HEATR4: variants seen among roughly 807,000 people sequenced by gnomAD.
The protein encoded by HEATR4 is HEAT repeat-containing protein 4.
HEATR4 carries 95 observed loss-of-function variants against 108.8 expected under a neutral mutation model. That is an observed-to-expected ratio of 0.87 (90% CI 0.74 to 1.04). HEATR4 has a LOEUF of 1.04. Ranked by LOEUF, HEATR4 falls within the 50% of genes least tolerant of loss-of-function variation. HEATR4 has a pLI of 0.00. For synonymous variants in HEATR4, 443 were observed against 459.4 expected (o/e 0.96, Z 0.46); for missense variants, 1,152 against 1,253.8 (o/e 0.92, Z 1.23).
the HEATR4 span, among the ~76,000 whole-genome samples, chr14:73,630,493 T>C: frequency 7.2e-5 from 11 of 152,350 alleles, no homozygotes; most frequent in South Asian, 8.3e-4. Flanking sequence ...CATGCCACCA[T>C]AGTGGTTCGC....
At chr14:73,569,975 C>CT in the HEATR4 span, 4 of 1,460,258 alleles carry the variant, frequency 2.7e-6, no homozygotes, top group Admixed American at 4.7e-5. Flanking sequence ...TGTATGCCCC[C>CT]CCGCCGCGCC....
the HEATR4 span, among the ~76,000 whole-genome samples, chr14:73,620,610 C>T: frequency 1.3e-5 from 2 of 152,096 alleles, no homozygotes; most frequent in South Asian, 2.1e-4. Flanking sequence ...TTTTGTTGCC[C>T]AGGCTGAAGT....
intron 17 of HEATR4, chr14:73,480,941 G>C (rs1011237126): frequency 6.6e-6 from 1 of 151,966 alleles, no homozygotes; most frequent in Non-Finnish European, 1.5e-5. Flanking sequence ...GATTGAACCC[G>C]GGGGTCAGAG....
chr14:73,612,914 G>A, the HEATR4 span: 6 of 1,356,088 alleles, frequency 4.4e-6, no homozygotes, highest in African/African-American at 4.6e-5. Flanking sequence ...CCACGACACC[G>A]AGCCCGGGCG....
At chr14:73,579,252 G>T in the HEATR4 span, among the ~76,000 whole-genome samples, 1 of 86,136 alleles carries the variant, frequency 1.2e-5, no homozygotes, top group African/African-American at 4.6e-5. Flanking sequence ...ACGAAATTCC[G>T]TCTCAAAAAA....
the HEATR4 span, chr14:73,573,519 C>G: frequency 6.2e-7 from 1 of 1,613,592 alleles, no homozygotes; most frequent in Non-Finnish European, 8.5e-7. Flanking sequence ...TGAAGACCTC[C>G]CCAAGACCAT....
chr14:73,514,302 G>T, intron 5 of HEATR4, 68 bp from the exon 6 acceptor site: 1 of 1,404,652 alleles, frequency 7.1e-7, no homozygotes, highest in Non-Finnish European at 9.9e-7. Flanking sequence ...AGTGGCCCCA[G>T]CTTGCATCCC....
chr14:73,540,602 A>G (rs1889043609), intron 1 of HEATR4, among the ~76,000 whole-genome samples: 1 of 111,932 alleles, frequency 8.9e-6, no homozygotes, highest in African/African-American at 3.2e-5. Flanking sequence ...AATACTATGA[A>G]GAAAACCAAG....
the HEATR4 span, chr14:73,592,347 C>G: frequency 5.0e-6 from 8 of 1,596,848 alleles, no homozygotes; most frequent in East Asian, 2.3e-5. Flanking sequence ...GCGCCACTTC[C>G]TCCCGCCAGG....
At chr14:73,612,692 G>C in the HEATR4 span, 1 of 1,405,674 alleles carries the variant, frequency 7.1e-7, no homozygotes, top group South Asian at 1.5e-5. Flanking sequence ...CCTGCGCGAC[G>C]AAGAGGGCGC....
At chr14:73,628,963 G>A in the HEATR4 span, among the ~76,000 whole-genome samples, 2 of 151,804 alleles carry the variant, frequency 1.3e-5, no homozygotes, top group African/African-American at 4.8e-5. Flanking sequence ...GCTGAGGCAG[G>A]AGAATTCCCT....
In HEATR4 at chr14:73,552,974, ACAC is replaced by A. The variant is rs1889345298; in HGVS notation, c.-152+5774_-152+5776del. ...TCCAGGGTTTCCCCGACCCAAGCAC[ACAC>A]TATTCGGCATTCCTGACTCCCACTG... On this transcript the variant is annotated intron_variant, in intron 1 of 17. Coordinates refer to ENST00000553558, the MANE Select transcript of HEATR4 (RefSeq NM_001220484.1). 1.8e-5 allele frequency among the ~76,000 whole-genome samples: 2 copies of A among 113,454 alleles called. 1 individual carries two copies. Among genetic ancestry groups the A allele is most frequent in the Non-Finnish European group, 3.9e-5 (2 of 51,578 alleles). The allele number at this position is 113,454 out of a possible 152,430, so 74.4% of individuals were successfully genotyped here. A position where few individuals can be genotyped will look rare whatever the true frequency, so the allele number is the denominator to read the frequency against.
At chr14:73,495,671 G>T (rs901331122) in intron 15 of HEATR4, among the ~76,000 whole-genome samples, 2 of 152,142 alleles carry the variant, frequency 1.3e-5, no homozygotes, top group African/African-American at 4.8e-5. Context: ...TATGATATTG[G>T]TTGGAGATTT....
the HEATR4 span, chr14:73,591,997 G>T: frequency 7.0e-7 from 1 of 1,422,646 alleles, no homozygotes; most frequent in Non-Finnish European, 9.2e-7. Context: ...CCAGGCCGCT[G>T]CTGCTGGAAC....
At chr14:73,590,863 A>T in the HEATR4 span, among the ~76,000 whole-genome samples, 1 of 152,138 alleles carries the variant, frequency 6.6e-6, no homozygotes, top group Admixed American at 6.5e-5. Context: ...GGCCTTGGCC[A>T]GCCCAGAAAG....
intron 17 of HEATR4, among the ~76,000 whole-genome samples, chr14:73,484,811 GAC>G (rs367692583): frequency 8.3e-4 from 123 of 147,480 alleles, no homozygotes; most frequent in Non-Finnish European, 1.4e-3. Flanking sequence ...TATGCAGGCA[GAC>G]ACACACACAC....
rs1479553851 is a variant in HEATR4, at chr14:73,498,172, G to T, written c.2529C>A (p.Asn843Lys). ...DTFLDVLLLE[N>K]HDAVLKEMYQ... ...GTGCTTACTTTAGAACAGCATCGTG[G>T]TTCTCCAGGAGCAGCACGTCTAGGA... Residue 843 changes from asparagine (N) to lysine (K), a missense_variant, in exon 14 of 18, where the codon AAC becomes AAA. Physicochemically the swap from Asn to Lys is moderately conservative, Grantham distance 94 (BLOSUM62 0). Transcript: ENST00000553558. 3.7e-6 allele frequency: 6 copies of T among 1,612,176 alleles called. No individual in the cohort carries two copies. In the East Asian group the frequency reaches 1.1e-4, roughly 30 times the overall value.
chr14:73,569,984 C>T, the HEATR4 span: 1 of 1,447,162 alleles, frequency 6.9e-7, no homozygotes, highest in Non-Finnish European at 9.1e-7. Flanking sequence ...CCCCGCCGCG[C>T]CCCCGGGCTA....
intron 3 of HEATR4, 112 bp from the exon 4 acceptor site, chr14:73,521,151 C>T (rs888130396): frequency 4.2e-5 from 37 of 890,514 alleles, no homozygotes; most frequent in East Asian, 7.3e-5. Context: ...CTCCTATACA[C>T]GTGAGCATTG....
Sources: allele counts gnomAD v4.1 joint callset (sites outside exome capture counted in the v4.1 genomes callset), GRCh38; gene constraint gnomAD v4.1.1; transcripts MANE v1.5; gene names NCBI Gene and HGNC (gene_info 2026-07-23, HGNC 2026-07-21).